WDFY2: variants seen among roughly 807,000 people sequenced by gnomAD.
The protein encoded by WDFY2 is WD repeat and FYVE domain-containing protein 2.
WDFY2 carries 36 observed loss-of-function variants against 56.4 expected under a neutral mutation model. That is an observed-to-expected ratio of 0.64 (90% CI 0.49 to 0.84). WDFY2 has a LOEUF of 0.84. Among genes scored for constraint, WDFY2 ranks in the 40% least tolerant of loss-of-function variants. WDFY2 has a pLI of 0.00. For synonymous variants in WDFY2, 176 were observed against 183.7 expected, an observed-to-expected ratio of 0.96 and a Z score of 0.34; for missense variants, 444 against 512.2, an observed-to-expected ratio of 0.87 and a Z score of 1.29.
intron 1 of WDFY2, among the ~76,000 whole-genome samples, chr13:51,637,230 AG>A (rs1400933266): frequency 8.5e-5 from 13 of 152,202 alleles, no homozygotes; most frequent in African/African-American, 2.9e-4. Context: ...TTCATGCAAA[AG>A]GTTTTACCAG....
rs541459870 is a variant in WDFY2 at position 51,612,309 on chromosome 13, G to T, written c.137+27485G>T. Among the ~76,000 whole-genome samples, 19 of 152,260 alleles carry T rather than the reference G, an allele frequency of 1.2e-4. 1 individual carries two copies. The South Asian group carries it at 3.9e-3, about 32-fold the overall frequency. On this transcript the variant is annotated intron_variant, in intron 1 of 11. Transcript: ENST00000298125. ...TGGATTACCAAATTTAGGTATTTAT[G>T]TATGAAATCCATTTTAGACAGTTCC...
intron 6 of WDFY2, among the ~76,000 whole-genome samples, chr13:51,729,100 G>A (rs1281071974): frequency 6.6e-6 from 1 of 152,070 alleles, no homozygotes; most frequent in African/African-American, 2.4e-5. Flanking sequence ...AGCGTTCTCA[G>A]TTCTGTGAAT....
At chr13:51,726,536 C>T (rs975237931) in intron 5 of WDFY2, among the ~76,000 whole-genome samples, 5 of 152,168 alleles carry the variant, frequency 3.3e-5, no homozygotes, top group East Asian at 1.9e-4. Context: ...TTACTGGTCA[C>T]GTAGGCAGAT....
chr13:51,681,913 C>T (rs866656443), intron 3 of WDFY2, among the ~76,000 whole-genome samples: 9 of 152,150 alleles, frequency 5.9e-5, no homozygotes, highest in Admixed American at 5.2e-4. Flanking sequence ...TGTCATTGCG[C>T]GTGTAGCCCT....
intron 1 of WDFY2, among the ~76,000 whole-genome samples, chr13:51,619,916 C>T (rs972695344): frequency 6.6e-6 from 1 of 152,206 alleles, no homozygotes; most frequent in Non-Finnish European, 1.5e-5. Context: ...CCTACTTGTT[C>T]ATCAGGTTAG....
intron 8 of WDFY2, among the ~76,000 whole-genome samples, chr13:51,754,713 G>A (rs1193647227): frequency 6.6e-6 from 1 of 152,096 alleles, no homozygotes; most frequent in East Asian, 1.9e-4. Flanking sequence ...GATTTTCCAG[G>A]GGTTCTTTGT....
At chr13:51,642,912 G>A (rs1337759462) in intron 1 of WDFY2, among the ~76,000 whole-genome samples, 1 of 151,942 alleles carries the variant, frequency 6.6e-6, no homozygotes, top group African/African-American at 2.4e-5. Flanking sequence ...TCTTGACCTC[G>A]TGATCCGCTC....
At chr13:51,672,959 G>A (rs770081621) in intron 2 of WDFY2, among the ~76,000 whole-genome samples, 26 of 152,106 alleles carry the variant, frequency 1.7e-4, no homozygotes, top group Non-Finnish European at 3.1e-4. Context: ...GAAATATGGT[G>A]GTGTTTCTTA....
intron 2 of WDFY2, among the ~76,000 whole-genome samples, chr13:51,668,539 T>G (rs973696308): frequency 2.0e-5 from 3 of 152,246 alleles, no homozygotes; most frequent in Non-Finnish European, 4.4e-5. Context: ...TGTTGAGTAC[T>G]GCAAATCTAA....
intron 4 of WDFY2, among the ~76,000 whole-genome samples, chr13:51,705,567 C>G (rs1054489753): frequency 9.4e-5 from 14 of 149,288 alleles, no homozygotes; most frequent in Non-Finnish European, 1.9e-4. Flanking sequence ...TTGTTTTTTT[C>G]TTTGTTTTTT....
chr13:51,660,251 C>T (rs974709306), intron 1 of WDFY2, among the ~76,000 whole-genome samples: 1 of 151,828 alleles, frequency 6.6e-6, no homozygotes, highest in African/African-American at 2.4e-5. Flanking sequence ...GGCTGGAGTG[C>T]AGTGGCATGA....
At chr13:51,654,177 C>T (rs145665809) in intron 1 of WDFY2, among the ~76,000 whole-genome samples, 2,262 of 152,336 alleles carry the variant, frequency 0.015, 31 homozygotes, top group East Asian at 0.061. Flanking sequence ...GTGAGCAAGG[C>T]TCCGTGGGCG....
intron 11 of WDFY2, 42 bp from the exon 12 acceptor site, chr13:51,759,698 C>A: frequency 6.2e-7 from 1 of 1,610,480 alleles, no homozygotes; most frequent in South Asian, 1.1e-5. Flanking sequence ...TTATCCTCAA[C>A]ACAATTTTAG....
chr13:51,657,567 A>G lies in WDFY2; in HGVS notation c.138-3029A>G, dbSNP rs541464938. ...AGATAGAGAATTCATCTGTCTTACT[A>G]TAGGAATTCCATATTGCATATGTTG... On this transcript the variant is annotated intron_variant, in intron 1 of 11. Coordinates refer to ENST00000298125, the MANE Select transcript of WDFY2 (RefSeq NM_052950.4). 5.8e-4 allele frequency among the ~76,000 whole-genome samples: 88 copies of G among 152,320 alleles called. 1 individual carries two copies. Among genetic ancestry groups the G allele is most frequent in the Admixed American group, 2.3e-3 (35 of 15,304 alleles).
chr13:51,617,699 A>C (rs959773725), intron 1 of WDFY2, among the ~76,000 whole-genome samples: 7 of 152,216 alleles, frequency 4.6e-5, no homozygotes, highest in African/African-American at 1.7e-4. Flanking sequence ...TCTGCAATCC[A>C]GGAGGAGGTG....
chr13:51,592,244 T>C (rs1954059949), intron 1 of WDFY2: 1 of 152,206 alleles, frequency 6.6e-6, no homozygotes, highest in Middle Eastern at 3.2e-3. Flanking sequence ...GTTAATTTAT[T>C]ACTGAGTTAG....
chr13:51,616,604 A>G (rs935478966), intron 1 of WDFY2, among the ~76,000 whole-genome samples: 2 of 152,192 alleles, frequency 1.3e-5, no homozygotes, highest in African/African-American at 2.4e-5. Context: ...TCCACTCACC[A>G]TGATAGGGGA....
Position 51,683,143 on chromosome 13 carries a change from T to C in WDFY2, c.279+7900T>C, listed in dbSNP as rs1956005797. Among the ~76,000 whole-genome samples, 3 of 152,176 alleles carry C rather than the reference T, an allele frequency of 2.0e-5. No homozygotes were observed. In the South Asian group the frequency reaches 6.2e-4, roughly 32 times the overall value. On this transcript the variant is annotated intron_variant, in intron 3 of 11. Transcript: ENST00000298125. ...GGATGACTGGAGAAGATGTAGCAAA[T>C]TTGTCATCACAAGTGACTCCCTTAT...
chr13:51,734,444 A>G (rs1952791533), intron 6 of WDFY2, among the ~76,000 whole-genome samples: 1 of 152,216 alleles, frequency 6.6e-6, no homozygotes, highest in African/African-American at 2.4e-5. Context: ...TACGTGGGAG[A>G]TATTAGCCAA....
Sources: gnomAD v4.1 joint callset for allele counts (sites outside exome capture counted in the v4.1 genomes callset) on GRCh38, gnomAD v4.1.1 for gene constraint, MANE v1.5 for transcripts, NCBI Gene and HGNC (gene_info 2026-07-23, HGNC 2026-07-21) for gene names.